Variants in LRRC4C observed in about 807,000 individuals in gnomAD.
LRRC4C encodes the protein leucine-rich repeat-containing protein 4C.
Under a neutral mutation model 33.6 loss-of-function variants are expected in LRRC4C, and 5 were observed. The observed-to-expected ratio is 0.15, with a 90% CI of 0.08 to 0.31. The LOEUF (loss-of-function observed/expected upper bound fraction) is 0.31. Ranked by LOEUF, LRRC4C falls within the 10% of genes least tolerant of loss-of-function variation. LRRC4C has a pLI of 1.00. For synonymous variants in LRRC4C, 329 were observed against 302.0 expected, an observed-to-expected ratio of 1.09 and a Z score of -0.93; for missense variants, 560 against 796.7, an observed-to-expected ratio of 0.70 and a Z score of 3.58.
intron 3 of LRRC4C, among the ~76,000 whole-genome samples, chr11:40,629,787 AT>A (rs1483346781): frequency 1.3e-5 from 2 of 152,314 alleles, no homozygotes; most frequent in Non-Finnish European, 2.9e-5. Context: ...AGATGTTAAT[AT>A]TATGGCACCA....
intron 1 of LRRC4C, among the ~76,000 whole-genome samples, chr11:41,064,934 T>C (rs1938104979): frequency 6.6e-6 from 1 of 152,072 alleles, no homozygotes; most frequent in African/African-American, 2.4e-5. Context: ...GATTCCCTTG[T>C]GAGCCTACAC....
In LRRC4C at chr11:40,987,323, C is replaced by G. The variant is rs78880849; in HGVS notation, c.-495-53600G>C. ...TTATTATTAAACACCTGTGAAGCAG[C>G]TGTATTCCTGTTTTGTAGATGAGAA... is the stretch of plus-strand genomic sequence containing the variant. On this transcript the variant is annotated intron_variant, in intron 1 of 6. Transcript: ENST00000528697. Among the ~76,000 whole-genome samples, 76 of 152,242 alleles carry G rather than the reference C, an allele frequency of 5.0e-4. 1 individual carries two copies. The East Asian group carries it at 0.014, about 28-fold the overall frequency.
intron 1 of LRRC4C, among the ~76,000 whole-genome samples, chr11:41,397,850 T>C (rs1443799248): frequency 1.3e-5 from 2 of 151,874 alleles, no homozygotes; most frequent in Non-Finnish European, 2.9e-5. Flanking sequence ...TCCAAACCAG[T>C]AGAGAAGATA....
intron 5 of LRRC4C, among the ~76,000 whole-genome samples, chr11:40,201,890 T>C (rs906876003): frequency 6.6e-6 from 1 of 152,142 alleles, no homozygotes; most frequent in African/African-American, 2.4e-5. Context: ...TGGCCCTCAC[T>C]ACACACCAGT....
At chr11:40,634,863 C>A (rs901238816) in intron 3 of LRRC4C, among the ~76,000 whole-genome samples, 2 of 151,832 alleles carry the variant, frequency 1.3e-5, no homozygotes, top group South Asian at 4.2e-4. Context: ...GTTCTCCTGA[C>A]TGGGCAACAG....
At chr11:41,022,139 G>GT (rs138056535) in intron 1 of LRRC4C, among the ~76,000 whole-genome samples, 2 of 106,750 alleles carry the variant, frequency 1.9e-5, no homozygotes, top group Non-Finnish European at 4.1e-5. Flanking sequence ...TTACAATTTT[G>GT]TTTTATATAT....
intron 1 of LRRC4C, among the ~76,000 whole-genome samples, chr11:41,225,120 C>G (rs543328837): frequency 6.6e-5 from 10 of 152,024 alleles, no homozygotes; most frequent in Middle Eastern, 3.4e-3. Flanking sequence ...GGATGGTTAC[C>G]AGAGGTTGGG....
intron 2 of LRRC4C, among the ~76,000 whole-genome samples, chr11:40,846,561 T>C (rs1036082953): frequency 6.6e-6 from 1 of 152,164 alleles, no homozygotes; most frequent in Non-Finnish European, 1.5e-5. Flanking sequence ...ACCAGTTCCA[T>C]GCTGTTTTGG....
chr11:40,217,201 G>A (rs1348760765), intron 5 of LRRC4C, among the ~76,000 whole-genome samples: 1 of 151,942 alleles, frequency 6.6e-6, no homozygotes, highest in African/African-American at 2.4e-5. Context: ...TCTGTTCTAA[G>A]CATTGTTCTG....
chr11:40,665,308 T>TA (rs55827045), intron 2 of LRRC4C, among the ~76,000 whole-genome samples: 72 of 43,390 alleles, frequency 1.7e-3, no homozygotes, highest in South Asian at 2.8e-3. Context: ...ATTGCTTTCT[T>TA]AAAAAAAAAA....
rs757474933 is a variant in LRRC4C at position 41,432,439 on chromosome 11, T to A, written c.-496+26992A>T. Among the ~76,000 whole-genome samples the A allele has an allele frequency of 8.5e-5, 13 of 152,138 alleles. 1 individual carries two copies. Among genetic ancestry groups the A allele is most frequent in the Non-Finnish European group, 1.0e-4 (7 of 68,016 alleles). ...ATCTAGGTGAGGAGGATTAAAGCAA[T>A]GCTTTCCTGGGTAGAAAAAAGGATG... On this transcript the variant is annotated intron_variant, in intron 1 of 6. Transcript: ENST00000528697.
intron 1 of LRRC4C, among the ~76,000 whole-genome samples, chr11:40,990,668 G>C (rs188511924): frequency 6.6e-6 from 1 of 152,130 alleles, no homozygotes; most frequent in African/African-American, 2.4e-5. Context: ...ATATAATAGA[G>C]CAGTGGTAGA....
At chr11:40,670,075 C>T (rs574521986) in intron 2 of LRRC4C, among the ~76,000 whole-genome samples, 4 of 152,310 alleles carry the variant, frequency 2.6e-5, no homozygotes, top group Admixed American at 6.5e-5. Context: ...AAGAACCTCA[C>T]TCCTGAAATC....
intron 1 of LRRC4C, among the ~76,000 whole-genome samples, chr11:41,456,544 G>T (rs1050117130): frequency 6.6e-5 from 10 of 152,184 alleles, no homozygotes; most frequent in Non-Finnish European, 1.0e-4. Flanking sequence ...CCAGAGAAAG[G>T]CCTGACAAAT....
At chr11:40,413,772 A>G (rs1240769702) in intron 3 of LRRC4C, among the ~76,000 whole-genome samples, 3 of 151,976 alleles carry the variant, frequency 2.0e-5, no homozygotes, top group Admixed American at 2.0e-4. Flanking sequence ...TAAATCACTG[A>G]CCCTACTTGA....
chr11:40,880,789 C>T (rs979752186), intron 2 of LRRC4C, among the ~76,000 whole-genome samples: 1 of 150,970 alleles, frequency 6.6e-6, no homozygotes, highest in African/African-American at 2.4e-5. Flanking sequence ...AGCTACTGGG[C>T]TTCCCTGCCT....
intron 2 of LRRC4C, among the ~76,000 whole-genome samples, chr11:40,920,937 T>TA (rs1359538109): frequency 6.6e-6 from 1 of 151,638 alleles, no homozygotes; most frequent in Non-Finnish European, 1.5e-5. Flanking sequence ...TTTTTTTTTT[T>TA]TGAGATAGGG....
intron 1 of LRRC4C, among the ~76,000 whole-genome samples, chr11:41,163,075 A>G (rs1944543892): frequency 6.6e-6 from 1 of 152,066 alleles, no homozygotes; most frequent in Admixed American, 6.6e-5. Flanking sequence ...TGGTTTTATC[A>G]GAAGTATCTG....
intron 1 of LRRC4C, among the ~76,000 whole-genome samples, chr11:41,119,913 T>G (rs967330522): frequency 4.6e-5 from 7 of 152,192 alleles, no homozygotes; most frequent in African/African-American, 1.7e-4. Context: ...AAATGACTAG[T>G]GTAGGATTAC....
Sources: gnomAD v4.1 joint callset for allele counts (sites outside exome capture counted in the v4.1 genomes callset) on GRCh38, gnomAD v4.1.1 for gene constraint, MANE v1.5 for transcripts, NCBI Gene and HGNC (gene_info 2026-07-23, HGNC 2026-07-21) for gene names.